Variants in LHFPL2 observed in about 807,000 individuals in gnomAD.
LHFPL2 encodes the protein LHFPL tetraspan subfamily member 2.
Under a neutral mutation model 17.5 loss-of-function variants are expected in LHFPL2, and 7 were observed. The observed-to-expected ratio is 0.40, with a 90% confidence interval of 0.23 to 0.75. LHFPL2 has a LOEUF of 0.75. Ranked by LOEUF, LHFPL2 falls within the 30% of genes least tolerant of loss-of-function variation. LHFPL2 has a pLI of 0.37. For missense variants in LHFPL2, 241 were observed against 294.8 expected (o/e 0.82, Z 1.34); for synonymous variants, 134 against 116.2 (o/e 1.15, Z -0.99).
At chr5:78,595,895 TA>T (rs986497385) in intron 2 of LHFPL2, among the ~76,000 whole-genome samples, 8 of 152,178 alleles carry the variant, frequency 5.3e-5, no homozygotes, top group African/African-American at 1.4e-4. Flanking sequence ...CTCAAAAACT[TA>T]CAGCATTTTT....
intron 1 of LHFPL2, among the ~76,000 whole-genome samples, chr5:78,638,947 G>A (rs1364345562): frequency 6.6e-6 from 1 of 152,194 alleles, no homozygotes; most frequent in East Asian, 1.9e-4. Flanking sequence ...AAATCTAATT[G>A]GATGGCAGTT....
intron 4 of LHFPL2, among the ~76,000 whole-genome samples, chr5:78,500,830 C>G (rs1032670617): frequency 6.6e-6 from 1 of 152,156 alleles, no homozygotes; most frequent in East Asian, 1.9e-4. Flanking sequence ...TGAAGTGATT[C>G]TTCAGATGAT....
At chr5:78,506,977 C>G (rs1754951290) in intron 4 of LHFPL2, among the ~76,000 whole-genome samples, 1 of 152,104 alleles carries the variant, frequency 6.6e-6, no homozygotes, top group Non-Finnish European at 1.5e-5. Context: ...CAGCAGTGCT[C>G]CCACTTCTTT....
intron 3 of LHFPL2, among the ~76,000 whole-genome samples, chr5:78,515,020 C>T (rs1755249507): frequency 6.6e-6 from 1 of 152,124 alleles, no homozygotes; most frequent in Non-Finnish European, 1.5e-5. Context: ...ACACTTCACC[C>T]CTAAATACTT....
chr5:78,627,826 ATTTGTCCGATGACCAC>A (rs1745107183), intron 2 of LHFPL2, among the ~76,000 whole-genome samples: 1 of 152,214 alleles, frequency 6.6e-6, no homozygotes, highest in Non-Finnish European at 1.5e-5. Flanking sequence ...ACTCAAAGGA[ATTTGTCCGATGACCAC>A]TATGCTGCAA....
chr5:78,510,485 TGCCCGCAGAAC>T, intron 3 of LHFPL2, 87 bp from the exon 4 acceptor site: 1 of 444,428 alleles, frequency 2.3e-6, no homozygotes, highest in Non-Finnish European at 4.0e-6. Flanking sequence ...GTCCGGCCCG[TGCCCGCAGAAC>T]CCTGCCAGCA....
At chr5:78,559,261 T>C (rs1462123575) in intron 3 of LHFPL2, among the ~76,000 whole-genome samples, 1 of 152,236 alleles carries the variant, frequency 6.6e-6, no homozygotes, top group Non-Finnish European at 1.5e-5. Flanking sequence ...GTGGATGTTA[T>C]AGTTAAGCCC....
At chr5:78,494,124 C>T (rs1754532761) in intron 4 of LHFPL2, among the ~76,000 whole-genome samples, 1 of 152,194 alleles carries the variant, frequency 6.6e-6, no homozygotes, top group South Asian at 2.1e-4. Context: ...CCTTGCCTCA[C>T]TGCACTGTTG....
chr5:78,603,818 T>G (rs1169754466), intron 2 of LHFPL2, among the ~76,000 whole-genome samples: 1 of 152,202 alleles, frequency 6.6e-6, no homozygotes, highest in Non-Finnish European at 1.5e-5. Flanking sequence ...TACCCTAATT[T>G]GGGGTTAGCT....
chr5:78,588,219 G>A (rs990497284), intron 2 of LHFPL2, among the ~76,000 whole-genome samples: 2 of 152,218 alleles, frequency 1.3e-5, no homozygotes, highest in Non-Finnish European at 2.9e-5. Flanking sequence ...GGCCTAGGCT[G>A]GAGTGCAGTG....
chr5:78,611,316 A>C (rs1744416632), intron 2 of LHFPL2, among the ~76,000 whole-genome samples: 1 of 152,168 alleles, frequency 6.6e-6, no homozygotes, highest in Non-Finnish European at 1.5e-5. Flanking sequence ...GGCAGGAGAA[A>C]GGCTCTCAAA....
At chr5:78,580,012 T>G (rs1743051415) in intron 2 of LHFPL2, among the ~76,000 whole-genome samples, 1 of 152,242 alleles carries the variant, frequency 6.6e-6, no homozygotes, top group South Asian at 2.1e-4. Flanking sequence ...CAGCACCTGT[T>G]GTTTCCTAAC....
chr5:78,562,811 A>T (rs1468978810), intron 3 of LHFPL2, among the ~76,000 whole-genome samples: 2 of 152,196 alleles, frequency 1.3e-5, no homozygotes, highest in Admixed American at 6.5e-5. Context: ...TAGGTTAAGT[A>T]TTCAGAGAGG....
At chr5:78,596,817 A>G (rs79239498) in intron 2 of LHFPL2, among the ~76,000 whole-genome samples, 1 of 151,844 alleles carries the variant, frequency 6.6e-6, no homozygotes, top group African/African-American at 2.4e-5. Context: ...GAAAATACAA[A>G]TCTTCCTTTG....
At chr5:78,571,242 AC>A (rs1345868059) in intron 2 of LHFPL2, among the ~76,000 whole-genome samples, 2 of 152,034 alleles carry the variant, frequency 1.3e-5, no homozygotes, top group African/African-American at 4.8e-5. Context: ...GCCTGTGTGG[AC>A]CCTGAACTCG....
chr5:78,546,596 C>A (rs1300750221), intron 3 of LHFPL2, among the ~76,000 whole-genome samples: 1 of 152,178 alleles, frequency 6.6e-6, no homozygotes, highest in African/African-American at 2.4e-5. Flanking sequence ...TTCTCAGTAA[C>A]CTCGACTCCA....
intron 2 of LHFPL2, among the ~76,000 whole-genome samples, chr5:78,596,202 C>T (rs540259464): frequency 6.6e-6 from 1 of 152,064 alleles, no homozygotes; most frequent in Non-Finnish European, 1.5e-5. Flanking sequence ...CCAATTAAAG[C>T]CCGACAAATT....
At chr5:78,596,709 T>A (rs968799426) in intron 2 of LHFPL2, among the ~76,000 whole-genome samples, 3 of 152,156 alleles carry the variant, frequency 2.0e-5, no homozygotes, top group Non-Finnish European at 4.4e-5. Context: ...AGAACCCAGC[T>A]AGGAACCCAG....
At chr5:78,493,762 C>A (rs1256862924) in intron 4 of LHFPL2, among the ~76,000 whole-genome samples, 1 of 152,188 alleles carries the variant, frequency 6.6e-6, no homozygotes, top group African/African-American at 2.4e-5. Flanking sequence ...GTTTTAAAAG[C>A]AATCTTGTGC....
Sources: allele counts gnomAD v4.1 joint callset (sites outside exome capture counted in the v4.1 genomes callset), GRCh38; gene constraint gnomAD v4.1.1; transcripts MANE v1.5; gene names NCBI Gene and HGNC (gene_info 2026-07-23, HGNC 2026-07-21).